The following KLHL20 variants were observed in gnomAD, a reference collection of about 807,000 sequenced individuals.
The protein encoded by KLHL20 is kelch-like protein 20.
KLHL20 carries 29 observed loss-of-function variants against 69.5 expected under a neutral mutation model. That is an observed-to-expected ratio of 0.42 (90% CI 0.31 to 0.57). The LOEUF (loss-of-function observed/expected upper bound fraction) is 0.57, where lower values mean the gene tolerates loss of function less well. Among genes scored for constraint, KLHL20 ranks in the 20% least tolerant of loss-of-function variants. The probability of loss-of-function intolerance (pLI) is 0.18; values close to 1 mark genes in which losing one functional copy is unlikely to be tolerated. For synonymous variants in KLHL20, 253 were observed against 265.2 expected (o/e 0.95, Z 0.45); for missense variants, 419 against 776.0 (o/e 0.54, Z 5.47).
chr1:173,781,991 C>T (rs2102542363), intron 10 of KLHL20, 133 bp from the exon 11 acceptor site: 1 of 589,072 alleles, frequency 1.7e-6, no homozygotes. Flanking sequence ...TACATTTTCC[C>T]TGTGTTTCAG....
chr1:173,769,082 A>G (rs1647918219), intron 8 of KLHL20, among the ~76,000 whole-genome samples: 1 of 152,226 alleles, frequency 6.6e-6, no homozygotes, highest in Non-Finnish European at 1.5e-5. Context: ...AGGGCTTAGA[A>G]GAGGGTTTCT....
At chr1:173,739,745 G>A (rs1672709415) in intron 3 of KLHL20, among the ~76,000 whole-genome samples, 3 of 147,964 alleles carry the variant, frequency 2.0e-5, no homozygotes, top group Non-Finnish European at 4.5e-5. Context: ...TCTGCCTCCC[G>A]GGTTCAAGCA....
chr1:173,739,796 C>T (rs550602079), intron 3 of KLHL20, among the ~76,000 whole-genome samples: 12 of 152,054 alleles, frequency 7.9e-5, no homozygotes, highest in Middle Eastern at 6.8e-3. Flanking sequence ...CCTGCCACCA[C>T]GCCCAGCTAA....
chr1:173,741,949 T>A (rs778052147), intron 3 of KLHL20: 2 of 889,272 alleles, frequency 2.2e-6, no homozygotes, highest in Non-Finnish European at 3.6e-6. Context: ...TGAATCAAGA[T>A]AAGTGGGAAA....
intron 8 of KLHL20, among the ~76,000 whole-genome samples, chr1:173,769,986 G>A (rs1015794816): frequency 2.6e-5 from 4 of 151,942 alleles, no homozygotes; most frequent in African/African-American, 7.2e-5. Flanking sequence ...GCTCCACAAA[G>A]TTAGAAAAAC....
At chr1:173,724,173 T>C (rs962841827) in intron 2 of KLHL20, among the ~76,000 whole-genome samples, 1 of 128,698 alleles carries the variant, frequency 7.8e-6, no homozygotes, top group African/African-American at 3.5e-5. Flanking sequence ...GTTTTGGGGA[T>C]TTTTTTTTTT....
At chr1:173,749,193 A>G (rs1253301996) in intron 3 of KLHL20, among the ~76,000 whole-genome samples, 1 of 152,208 alleles carries the variant, frequency 6.6e-6, no homozygotes, top group Admixed American at 6.5e-5. Flanking sequence ...CATTAGACCT[A>G]GCTTAATTCA....
At chr1:173,764,286 C>T (rs1647529423) in intron 7 of KLHL20, among the ~76,000 whole-genome samples, 1 of 152,144 alleles carries the variant, frequency 6.6e-6, no homozygotes, top group African/African-American at 2.4e-5. Flanking sequence ...GCAATGTAAA[C>T]TAGTACAGCC....
At chr1:173,755,806 A>T (rs1673525661) in intron 5 of KLHL20, 117 bp from the exon 6 acceptor site, 1 of 620,622 alleles carries the variant, frequency 1.6e-6, no homozygotes, top group African/African-American at 1.9e-5. Flanking sequence ...GGCATTCATG[A>T]TTTGGTTTGA....
In KLHL20 at chr1:173,716,940, C is replaced by A. The variant is rs548405424; in HGVS notation, c.23+874C>A. Reference sequence around the variant, plus strand: ...TTGAGCTGTTCACCTTCTCTGTACCCCAGTTTACTTCTTTAGTGTATCTGA... The same window carrying A: ...TTGAGCTGTTCACCTTCTCTGTACCACAGTTTACTTCTTTAGTGTATCTGA... On this transcript the variant is annotated intron_variant, in intron 2 of 11. Coordinates refer to ENST00000209884, the MANE Select transcript of KLHL20 (RefSeq NM_014458.4). Among the ~76,000 whole-genome samples, 2 of 152,210 alleles carry A rather than the reference C, an allele frequency of 1.3e-5. 1 individual carries two copies. Among genetic ancestry groups the A allele is most frequent in the African/African-American group, 4.8e-5 (2 of 41,540 alleles).
intron 6 of KLHL20, among the ~76,000 whole-genome samples, chr1:173,756,512 C>T (rs898046327): frequency 7.2e-5 from 11 of 152,216 alleles, no homozygotes; most frequent in African/African-American, 2.6e-4. Flanking sequence ...GCCTGGGGAA[C>T]AGAACAAGAT....
chr1:173,761,185 C>T (rs1444866742), intron 7 of KLHL20, among the ~76,000 whole-genome samples: 2 of 152,162 alleles, frequency 1.3e-5, no homozygotes, highest in African/African-American at 4.8e-5. Context: ...AGAAAAATAT[C>T]ATAGTCTTAA....
chr1:173,772,322 G>A (rs1050890023), intron 8 of KLHL20, among the ~76,000 whole-genome samples: 2 of 152,206 alleles, frequency 1.3e-5, no homozygotes, highest in Admixed American at 6.5e-5. Flanking sequence ...AGACTCAGGA[G>A]CCAACTTGAA....
chr1:173,733,102 C>T (rs947180866), intron 2 of KLHL20, among the ~76,000 whole-genome samples: 8 of 151,138 alleles, frequency 5.3e-5, no homozygotes. Context: ...TTACTGCAGC[C>T]TCTGCCTCCA....
At chr1:173,770,341 T>C (rs981874847) in intron 8 of KLHL20, among the ~76,000 whole-genome samples, 2 of 151,978 alleles carry the variant, frequency 1.3e-5, no homozygotes, top group Non-Finnish European at 1.5e-5. Flanking sequence ...TAAAGGATAA[T>C]AAGCAAAACA....
intron 3 of KLHL20, among the ~76,000 whole-genome samples, chr1:173,742,423 A>G (rs1160698174): frequency 6.6e-6 from 1 of 152,138 alleles, no homozygotes; most frequent in African/African-American, 2.4e-5. Flanking sequence ...AAGGTCAACA[A>G]ATCAATACCA....
intron 3 of KLHL20, among the ~76,000 whole-genome samples, chr1:173,746,929 ATT>A (rs10600613): frequency 0.23 from 34,531 of 151,548 alleles, 4,350 homozygotes; most frequent in Middle Eastern, 0.38. Context: ...CTTCATTATC[ATT>A]GTTTTATAGA....
At chr1:173,773,809 C>A (rs10912690) in intron 8 of KLHL20, among the ~76,000 whole-genome samples, 1 of 151,980 alleles carries the variant, frequency 6.6e-6, no homozygotes, top group Non-Finnish European at 1.5e-5. Flanking sequence ...GTCAGGAGAT[C>A]GAGACCCTCC....
chr1:173,734,548 A>C, intron 3 of KLHL20: 1 of 416,644 alleles, frequency 2.4e-6, no homozygotes, highest in South Asian at 2.6e-5. Context: ...AGGTTTATTT[A>C]TAAGCCAAAA....
Sources: gnomAD v4.1 joint callset for allele counts (sites outside exome capture counted in the v4.1 genomes callset) on GRCh38, gnomAD v4.1.1 for gene constraint, MANE v1.5 for transcripts, NCBI Gene and HGNC (gene_info 2026-07-23, HGNC 2026-07-21) for gene names.